CTNND2: variants seen among roughly 807,000 people sequenced by gnomAD.
The protein encoded by CTNND2 is catenin delta 2.
In CTNND2, 22 loss-of-function variants were observed where a neutral mutation model predicts 144.4. The observed-to-expected ratio is 0.15, with a 90% CI of 0.11 to 0.22. CTNND2 has a LOEUF of 0.22. Among genes scored for constraint, CTNND2 ranks in the 10% least tolerant of loss-of-function variants. The pLI is 1.00. For missense variants in CTNND2, 1,353 were observed against 1,618.8 expected, an observed-to-expected ratio of 0.84 and a Z score of 2.82; for synonymous variants, 751 against 695.6, an observed-to-expected ratio of 1.08 and a Z score of -1.25.
chr5:11,351,141 T>C (rs1755295334), intron 8 of CTNND2, among the ~76,000 whole-genome samples: 1 of 152,196 alleles, frequency 6.6e-6, no homozygotes, highest in Non-Finnish European at 1.5e-5. Flanking sequence ...TAATACATTT[T>C]TTTCCCTTAA....
At chr5:11,444,319 C>T (rs1764607021) in intron 3 of CTNND2, among the ~76,000 whole-genome samples, 1 of 152,148 alleles carries the variant, frequency 6.6e-6, no homozygotes, top group Non-Finnish European at 1.5e-5. Context: ...CTAACAAAAA[C>T]ATGAATTAGC....
At chr5:11,054,759 G>A (rs11954942) in intron 16 of CTNND2, among the ~76,000 whole-genome samples, 2,798 of 152,148 alleles carry the variant, frequency 0.018, 93 homozygotes, top group African/African-American at 0.064. Context: ...TCTTTGGGGA[G>A]CATCATTTAT....
At chr5:11,051,493 T>C (rs1320357735) in intron 16 of CTNND2, among the ~76,000 whole-genome samples, 1 of 152,232 alleles carries the variant, frequency 6.6e-6, no homozygotes, top group Non-Finnish European at 1.5e-5. Context: ...TTGGAACTTC[T>C]CTTGATTGTA....
chr5:11,020,327 A>ATT (rs200728713), intron 17 of CTNND2, among the ~76,000 whole-genome samples: 12,759 of 152,118 alleles, frequency 0.084, 1,686 homozygotes, highest in African/African-American at 0.29. Context: ...TTCCCATACT[A>ATT]TCACAAATAA....
intron 3 of CTNND2, among the ~76,000 whole-genome samples, chr5:11,525,803 C>T (rs957286363): frequency 1.2e-4 from 19 of 152,238 alleles, no homozygotes; most frequent in African/African-American, 3.6e-4. Context: ...GTGCCCTGTT[C>T]AGGGCTTGGT....
At chr5:11,286,852 A>G (rs1747810265) in intron 9 of CTNND2, among the ~76,000 whole-genome samples, 1 of 152,168 alleles carries the variant, frequency 6.6e-6, no homozygotes, top group South Asian at 2.1e-4. Context: ...ACTCTTCCAC[A>G]TTTGCCCAGG....
chr5:11,091,375 A>T (rs1456852745), intron 15 of CTNND2, among the ~76,000 whole-genome samples: 1 of 152,154 alleles, frequency 6.6e-6, no homozygotes, highest in Admixed American at 6.5e-5. Flanking sequence ...TAACTTTTAA[A>T]ATGTTTTGAA....
chr5:11,845,083 G>T (rs1188696330), intron 1 of CTNND2, among the ~76,000 whole-genome samples: 1 of 152,132 alleles, frequency 6.6e-6, no homozygotes, highest in Non-Finnish European at 1.5e-5. Flanking sequence ...GGAAGCCACA[G>T]CTATGTTAGG....
At chr5:10,983,683 G>A (rs538246624) in intron 20 of CTNND2, among the ~76,000 whole-genome samples, 2 of 152,114 alleles carry the variant, frequency 1.3e-5, no homozygotes, top group African/African-American at 4.8e-5. Flanking sequence ...AATCCTCCTC[G>A]AAGGCCCAAC....
intron 2 of CTNND2, among the ~76,000 whole-genome samples, chr5:11,657,147 G>T (rs969946802): frequency 6.6e-6 from 1 of 152,132 alleles, no homozygotes; most frequent in Non-Finnish European, 1.5e-5. Context: ...GAGGGTGGCA[G>T]TGTGGGGAAA....
At chr5:11,342,009 C>CA (rs1212449292) in intron 9 of CTNND2, among the ~76,000 whole-genome samples, 1 of 151,940 alleles carries the variant, frequency 6.6e-6, no homozygotes, top group Non-Finnish European at 1.5e-5. Context: ...AACCTTGTCT[C>CA]AAAAAATAAA....
chr5:11,642,538 G>C (rs1426932493), intron 2 of CTNND2, among the ~76,000 whole-genome samples: 1 of 152,148 alleles, frequency 6.6e-6, no homozygotes, highest in Non-Finnish European at 1.5e-5. Context: ...GCAAACTGCT[G>C]TATTCAAGGC....
chr5:11,895,067 G>C (rs566837882), intron 1 of CTNND2, among the ~76,000 whole-genome samples: 139 of 152,206 alleles, frequency 9.1e-4, no homozygotes, highest in African/African-American at 2.9e-3. Flanking sequence ...TCATGTGTTT[G>C]CCTAAAAACA....
intron 1 of CTNND2, among the ~76,000 whole-genome samples, chr5:11,865,962 AC>A (rs1380907984): frequency 6.7e-6 from 1 of 149,862 alleles, no homozygotes; most frequent in Non-Finnish European, 1.5e-5. Context: ...CCCTAGTGAC[AC>A]CTTGATTTTA....
chr5:11,422,115 C>T (rs989606080), intron 3 of CTNND2, among the ~76,000 whole-genome samples: 8 of 152,098 alleles, frequency 5.3e-5, no homozygotes, highest in East Asian at 3.9e-4. Context: ...GAAAGATGAA[C>T]GCAGGCCCAC....
chr5:11,444,374 A>G (rs1254538437), intron 3 of CTNND2, among the ~76,000 whole-genome samples: 1 of 152,198 alleles, frequency 6.6e-6, no homozygotes, highest in Non-Finnish European at 1.5e-5. Context: ...ACAAATGTGT[A>G]ACCTCACATA....
At position 11,491,304 on chromosome 5, in the gene CTNND2, C is replaced by T. The variant is rs919355693; in HGVS notation, c.287+73640G>A. Among the ~76,000 whole-genome samples the T allele has an allele frequency of 2.0e-5, 3 of 152,006 alleles. No homozygotes were observed. In the East Asian group the frequency reaches 5.8e-4, roughly 29 times the overall value. On this transcript the variant is annotated intron_variant, in intron 3 of 21. Transcript: ENST00000304623. ...GGTTTTGGATGTTTACTGGGATGGC[C>T]CATTTATTTTAAGAAGTGCAAACAG...
intron 9 of CTNND2, among the ~76,000 whole-genome samples, chr5:11,316,468 TTTATTATTATTATTA>T (rs57708081): frequency 0.031 from 2,285 of 73,382 alleles, 48 homozygotes; most frequent in African/African-American, 0.067. Flanking sequence ...TCCACTATTT[TTTATTATTATTATTA>T]TTATTATTAT....
intron 3 of CTNND2, among the ~76,000 whole-genome samples, chr5:11,520,162 A>G (rs919830287): frequency 4.0e-5 from 6 of 151,854 alleles, no homozygotes; most frequent in African/African-American, 1.5e-4. Context: ...AAAAAAAAAA[A>G]AAAAGAAAGA....
Sources: allele counts gnomAD v4.1 joint callset (sites outside exome capture counted in the v4.1 genomes callset), GRCh38; gene constraint gnomAD v4.1.1; transcripts MANE v1.5; gene names NCBI Gene and HGNC (gene_info 2026-07-23, HGNC 2026-07-21).